The following TBC1D22A variants were observed in gnomAD, a reference collection of about 807,000 sequenced individuals.
The protein encoded by TBC1D22A is putative GTPase activator.
In TBC1D22A, 38 loss-of-function variants were observed where a neutral mutation model predicts 60.2. The ratio of observed to expected loss-of-function variants is 0.63; its 90% CI spans 0.49 to 0.83. TBC1D22A has a LOEUF of 0.83. Ranked by LOEUF, TBC1D22A falls within the 40% of genes least tolerant of loss-of-function variation. The probability of loss-of-function intolerance (pLI) is 0.00; values close to 1 mark genes in which losing one functional copy is unlikely to be tolerated. For synonymous variants in TBC1D22A, 302 were observed against 281.7 expected (o/e 1.07, Z -0.72); for missense variants, 628 against 701.0 (o/e 0.90, Z 1.18).
chr22:46,923,540 A>G (rs4823897), intron 8 of TBC1D22A, among the ~76,000 whole-genome samples: 118,940 of 152,234 alleles, frequency 0.78, 46,672 homozygotes, highest in Middle Eastern at 0.85. Flanking sequence ...TGGGAGGAAG[A>G]AGGACTCATC....
chr22:47,059,372 C>G (rs1223671468), intron 11 of TBC1D22A, among the ~76,000 whole-genome samples: 1 of 152,206 alleles, frequency 6.6e-6, no homozygotes, highest in African/African-American at 2.4e-5. Context: ...GCAGCGTCCC[C>G]CCGGCCTCTC....
intron 11 of TBC1D22A, among the ~76,000 whole-genome samples, chr22:47,086,836 A>G (rs2064712806): frequency 6.6e-6 from 1 of 152,242 alleles, no homozygotes; most frequent in Non-Finnish European, 1.5e-5. Context: ...ATGCCTGGAC[A>G]ACTGTTGGCC....
intron 11 of TBC1D22A, among the ~76,000 whole-genome samples, chr22:47,099,683 G>A (rs2065331828): frequency 6.6e-6 from 1 of 151,964 alleles, no homozygotes; most frequent in African/African-American, 2.4e-5. Context: ...GACCTCAGGT[G>A]GTCCACCTGC....
At chr22:46,965,445 T>G (rs1450901903) in intron 8 of TBC1D22A, among the ~76,000 whole-genome samples, 1 of 152,222 alleles carries the variant, frequency 6.6e-6, no homozygotes, top group African/African-American at 2.4e-5. Flanking sequence ...GGCTGCACTG[T>G]CTGGGCTCGG....
At chr22:46,817,491 T>A (rs753490116) in intron 4 of TBC1D22A, among the ~76,000 whole-genome samples, 1 of 152,190 alleles carries the variant, frequency 6.6e-6, no homozygotes. Flanking sequence ...CAGCTATGAG[T>A]GAGAACATGC....
At chr22:46,817,345 A>G (rs9627570) in intron 4 of TBC1D22A, among the ~76,000 whole-genome samples, 1,541 of 151,818 alleles carry the variant, frequency 0.01, 23 homozygotes, top group African/African-American at 0.035. Flanking sequence ...TACGTGTGCC[A>G]TGGTGGTTTG....
Position 46,766,067 on chromosome 22 carries a change from G to C in TBC1D22A, c.62+3219G>C, listed in dbSNP as rs1186015316. Among the ~76,000 whole-genome samples, 5 of 150,122 alleles carry C rather than the reference G, an allele frequency of 3.3e-5. No homozygotes were observed. The South Asian group carries it at 8.5e-4, about 26-fold the overall frequency. The stretch of plus-strand genomic sequence containing the variant: ...GGCTGGAGTGCAGTGGTGCGATCTC[G>C]GCTCACTGCAAGCTCCGCCTCCCGG... On this transcript the variant is annotated intron_variant, in intron 1 of 12. Transcript: ENST00000337137.
intron 8 of TBC1D22A, among the ~76,000 whole-genome samples, chr22:46,934,425 T>C (rs538159933): frequency 1.3e-5 from 2 of 152,298 alleles, no homozygotes; most frequent in East Asian, 3.9e-4. Flanking sequence ...GTGGGAGTAG[T>C]GAGTATCTTG....
chr22:46,860,618 G>A (rs1156309587), intron 4 of TBC1D22A, among the ~76,000 whole-genome samples: 1 of 150,658 alleles, frequency 6.6e-6, no homozygotes, highest in Non-Finnish European at 1.5e-5. Context: ...TTTGATAGAG[G>A]TCCGCGCAGT....
chr22:46,941,613 A>C (rs577476909), intron 8 of TBC1D22A, among the ~76,000 whole-genome samples: 3 of 148,348 alleles, frequency 2.0e-5, no homozygotes, highest in African/African-American at 4.9e-5. Flanking sequence ...TATACGCGGA[A>C]TATATATACG....
chr22:46,768,478 C>G (rs1023915138), intron 1 of TBC1D22A, among the ~76,000 whole-genome samples: 1 of 106,470 alleles, frequency 9.4e-6, no homozygotes, highest in African/African-American at 4.0e-5. Flanking sequence ...GAGCGAGACT[C>G]TGTCTCAAAA....
At chr22:46,995,983 C>T (rs2075109684) in intron 9 of TBC1D22A, among the ~76,000 whole-genome samples, 1 of 152,224 alleles carries the variant, frequency 6.6e-6, no homozygotes, top group Non-Finnish European at 1.5e-5. Context: ...GCTCTGAATG[C>T]CGGGTGCCAC....
At position 47,009,858 on chromosome 22, in the gene TBC1D22A, T is replaced by C. The variant is rs919324372; in HGVS notation, c.1201+12149T>C. ...GACCTTGTTGAGCTGCCAAGGGCCCTGTCCATGCCTGCTCCTGAGGCAGCC... is the reference window on the plus strand; with the variant it reads ...GACCTTGTTGAGCTGCCAAGGGCCCCGTCCATGCCTGCTCCTGAGGCAGCC... On this transcript the variant is annotated intron_variant, in intron 10 of 12. Transcript: ENST00000337137. The surrounding 1 kb of genome is among the most constrained non-coding windows in gnomAD (Gnocchi z 5.8). Among the ~76,000 whole-genome samples, 2 of 152,268 alleles carry C rather than the reference T, an allele frequency of 1.3e-5. No homozygotes were observed. Among genetic ancestry groups the C allele is most frequent in the African/African-American group, 4.8e-5 (2 of 41,476 alleles).
At chr22:46,780,682 G>A (rs2083898994) in intron 1 of TBC1D22A, among the ~76,000 whole-genome samples, 2 of 152,306 alleles carry the variant, frequency 1.3e-5, no homozygotes, top group South Asian at 2.1e-4. Context: ...TCACTGAGGC[G>A]GCCCAAGGAC....
At chr22:46,922,842 G>A (rs1569226358) in intron 8 of TBC1D22A, among the ~76,000 whole-genome samples, 1 of 151,978 alleles carries the variant, frequency 6.6e-6, no homozygotes, top group African/African-American at 2.4e-5. Flanking sequence ...GAGACTATGG[G>A]GTTTTCTAGG....
At chr22:46,928,531 C>T (rs997067209) in intron 8 of TBC1D22A, among the ~76,000 whole-genome samples, 1 of 152,158 alleles carries the variant, frequency 6.6e-6, no homozygotes, top group Non-Finnish European at 1.5e-5. Flanking sequence ...TGAGATATGA[C>T]ACCAAAAGCA....
chr22:47,080,621 A>T (rs1008933629), intron 11 of TBC1D22A, among the ~76,000 whole-genome samples: 1 of 114,712 alleles, frequency 8.7e-6, no homozygotes, highest in African/African-American at 3.6e-5. Flanking sequence ...ATATACCTGT[A>T]AAAATATATA....
chr22:46,976,463 C>T (rs191410489), intron 9 of TBC1D22A, among the ~76,000 whole-genome samples: 8 of 152,290 alleles, frequency 5.3e-5, no homozygotes, highest in African/African-American at 1.7e-4. Flanking sequence ...TAAGGCCGTC[C>T]GAGCAGAGCT....
chr22:46,849,232 A>G (rs994527287), intron 4 of TBC1D22A, among the ~76,000 whole-genome samples: 18 of 152,130 alleles, frequency 1.2e-4, no homozygotes, highest in Admixed American at 8.5e-4. Context: ...GCTGGAGTGG[A>G]TGCCTCCGTC....
Sources: allele counts gnomAD v4.1 joint callset (sites outside exome capture counted in the v4.1 genomes callset), GRCh38; gene constraint gnomAD v4.1.1; non-coding constraint Gnocchi (gnomAD v3.1); transcripts MANE v1.5; gene names NCBI Gene and HGNC (gene_info 2026-07-23, HGNC 2026-07-21).